The following GRSF1 variants were observed in gnomAD, a reference collection of about 807,000 sequenced individuals.
The protein encoded by GRSF1 is G-rich RNA sequence binding factor 1, also known as G-rich sequence factor 1.
Under a neutral mutation model 51.1 loss-of-function variants are expected in GRSF1, and 50 were observed. The observed-to-expected ratio is 0.98, with a 90% CI of 0.78 to 1.24. The LOEUF (loss-of-function observed/expected upper bound fraction) is 1.24. GRSF1 is among the 50% of genes most tolerant of loss of function. GRSF1 has a pLI of 0.00. For missense variants in GRSF1, 700 were observed against 639.7 expected (o/e 1.09, Z -1.02); for synonymous variants, 293 against 253.3 (o/e 1.16, Z -1.49).
In GRSF1 at chr4:70,835,160, C is replaced by T. The variant is rs533062702; in HGVS notation, c.514+998G>A. Among the ~76,000 whole-genome samples the T allele has an allele frequency of 2.0e-5, 3 of 151,742 alleles. No homozygotes were observed. The East Asian group carries it at 6.1e-4, about 31-fold the overall frequency. On this transcript the variant is annotated intron_variant, in intron 2 of 9. Coordinates refer to ENST00000254799, the MANE Select transcript of GRSF1 (RefSeq NM_002092.4). Reference sequence around the variant, plus strand: ...TATGGCTACGTAGTATTCCATCATACCAGCCGGGCACGGTGGCTCACGCCT... The same window carrying T: ...TATGGCTACGTAGTATTCCATCATATCAGCCGGGCACGGTGGCTCACGCCT...
At position 70,820,230 on chromosome 4, in the gene GRSF1, G is replaced by A. The variant is rs1206950033; in HGVS notation, c.*657C>T. 3 of 152,488 alleles carry A rather than the reference G, an allele frequency of 2.0e-5. No homozygotes were observed. Among genetic ancestry groups the A allele is most frequent in the East Asian group, 1.9e-4 (1 of 5,202 alleles). 9.4% of individuals were successfully genotyped at this position (152,488 alleles called of 1,614,324 possible). On this transcript the variant is annotated 3_prime_UTR_variant, in exon 10 of 10. Transcript: ENST00000254799. Reference sequence around the variant, plus strand: ...AAGTAGATAGGCACCACCGTTATACGCCTTTAGCACAAGGCTTAGAAAGGC... The same window carrying A: ...AAGTAGATAGGCACCACCGTTATACACCTTTAGCACAAGGCTTAGAAAGGC...
At chr4:70,825,528 T>G (rs1201105971) in intron 7 of GRSF1, 97 bp from the exon 8 acceptor site, 3 of 782,814 alleles carry the variant, frequency 3.8e-6, no homozygotes. Context: ...CTTTGATTCA[T>G]ACACTTGATA....
chr4:70,839,218 CCA>C, intron 1 of GRSF1: 3 of 1,440,434 alleles, frequency 2.1e-6, no homozygotes, highest in Non-Finnish European at 2.8e-6. Context: ...TTCACCCCAG[CCA>C]CACTTACACT....
intron 4 of GRSF1, 88 bp from the exon 5 acceptor site, chr4:70,831,762 T>C (rs1256245863): frequency 4.0e-6 from 5 of 1,251,550 alleles, no homozygotes; most frequent in South Asian, 1.5e-5. Context: ...AAAATTTTTA[T>C]TCTGTTTTGC....
chr4:70,838,932 G>A (rs1283034128), intron 1 of GRSF1: 1 of 343,080 alleles, frequency 2.9e-6, no homozygotes, highest in Non-Finnish European at 5.6e-6. Flanking sequence ...TCTTTCCCTG[G>A]GGACAGGAGA....
In GRSF1 at chr4:70,817,825, CTTTA is replaced by C. The variant is rs1192305459; in HGVS notation, c.*3058_*3061del. ...ACCTGCACATAAATGTTTATAGCAG[CTTTA>C]TTCCCTTCCTACAAACTTCAGATTC... On this transcript the variant is annotated 3_prime_UTR_variant, in exon 10 of 10. Coordinates refer to ENST00000254799, the MANE Select transcript of GRSF1 (RefSeq NM_002092.4). 6.6e-6 allele frequency: 1 copy of C among 152,186 alleles called. No individual in the cohort carries two copies. The highest frequency in any genetic ancestry group is 1.5e-5 in the Non-Finnish European group (1 of 68,028). The allele number at this position is 152,186 out of a possible 1,614,324, so 9.4% of individuals were successfully genotyped here.
rs921057115 is a variant in GRSF1 at position 70,819,800 on chromosome 4, C to T, written c.*1087G>A. 6.6e-6 allele frequency: 1 copy of T among 152,626 alleles called. No individual in the cohort carries two copies. The highest frequency in any genetic ancestry group is 1.5e-5 in the Non-Finnish European group (1 of 68,040). 9.5% of individuals were successfully genotyped at this position (152,626 alleles called of 1,614,324 possible). A position where few individuals can be genotyped will look rare whatever the true frequency, so the allele number is the denominator to read the frequency against. On this transcript the variant is annotated 3_prime_UTR_variant, in exon 10 of 10. Coordinates refer to ENST00000254799, the MANE Select transcript of GRSF1 (RefSeq NM_002092.4). Reference sequence around the variant, plus strand: ...GCACATAAAGTTAGTTTATTAATGACTATATTTTGAAGCCAGCCATTTTGT... The same window carrying T: ...GCACATAAAGTTAGTTTATTAATGATTATATTTTGAAGCCAGCCATTTTGT...
At chr4:70,830,036 A>G (rs899901513) in intron 5 of GRSF1, among the ~76,000 whole-genome samples, 6 of 152,254 alleles carry the variant, frequency 3.9e-5, no homozygotes, top group Admixed American at 1.3e-4. Flanking sequence ...GGTGATGTCA[A>G]CATGAGATAC....
Position 70,839,764 on chromosome 4 carries a change from A to G in GRSF1, c.64T>C (p.Cys22Arg). The change falls in exon 1 of 10, where the codon TGC (cysteine) becomes CGC (arginine). Residue 22 changes from cysteine (C) to arginine (R), a missense_variant. Transcript: ENST00000254799. ...AGGCAGGCGGCGCCGGTGCGCCGGC[A>G]GCTGCTGCAGTTACAGCCGCAGCCC... ...LRGCGCNCSS[C>R]RRTGAACLPF... 1 of 1,503,950 alleles carries G rather than the reference A, an allele frequency of 6.6e-7. No homozygotes were observed. The highest frequency in any genetic ancestry group is 8.8e-7 in the Non-Finnish European group (1 of 1,133,744). 93.2% of individuals were successfully genotyped at this position (1,503,950 alleles called of 1,614,324 possible). A position where few individuals can be genotyped will look rare whatever the true frequency, so the allele number is the denominator to read the frequency against.
intron 6 of GRSF1, among the ~76,000 whole-genome samples, chr4:70,826,628 C>T (rs1733748316): frequency 6.6e-6 from 1 of 151,786 alleles, no homozygotes; most frequent in African/African-American, 2.4e-5. Flanking sequence ...TCACTTGAGC[C>T]CAGGAGTTCG....
At chr4:70,820,983 T>C (rs980708728) in intron 9 of GRSF1, 122 bp from the exon 10 acceptor site, 1 of 152,290 alleles carries the variant, frequency 6.6e-6, no homozygotes, top group Non-Finnish European at 1.5e-5. Context: ...GCAAGCTATC[T>C]GATAAACCGA....
At position 70,839,732 on chromosome 4, in the gene GRSF1, G is replaced by C. The variant is rs2148849702; in HGVS notation, c.96C>G (p.Phe32Leu). ...CRRTGAACLP[F>L]YSAAGSIPSG... is the part of the protein sequence containing the mutation. ...ACGGGATAGAGCCAGCGGCGGAGTAGAAGGGCAGGCAGGCGGCGCCGGTGC... is the reference window on the plus strand; with the variant it reads ...ACGGGATAGAGCCAGCGGCGGAGTACAAGGGCAGGCAGGCGGCGCCGGTGC... Residue 32 changes from phenylalanine to leucine, a missense_variant, in exon 1 of 10, where the codon TTC becomes TTG. Phe to Leu is a conservative substitution (Grantham distance 22). Transcript: ENST00000254799. 6.7e-7 allele frequency: 1 copy of C among 1,501,750 alleles called. No homozygotes were observed. Among genetic ancestry groups the C allele is most frequent in the Non-Finnish European group, 8.8e-7 (1 of 1,133,038 alleles). The allele number at this position is 1,501,750 out of a possible 1,614,324, so 93.0% of individuals were successfully genotyped here.
intron 5 of GRSF1, among the ~76,000 whole-genome samples, chr4:70,830,335 G>GA (rs1733909072): frequency 6.6e-6 from 1 of 151,744 alleles, no homozygotes; most frequent in East Asian, 1.9e-4. Context: ...GTTCTAGCTA[G>GA]TTGGGAGGAT....
chr4:70,832,175 T>A (rs1734004171), intron 4 of GRSF1, 132 bp downstream of exon 4: 1 of 531,172 alleles, frequency 1.9e-6, no homozygotes, highest in Non-Finnish European at 3.1e-6. Flanking sequence ...GAAATTTAAG[T>A]GAAGAGCTCT....
intron 2 of GRSF1, among the ~76,000 whole-genome samples, 198 bp from the exon 3 acceptor site, chr4:70,833,471 A>C (rs1734067258): frequency 6.6e-6 from 1 of 152,180 alleles, no homozygotes; most frequent in African/African-American, 2.4e-5. Flanking sequence ...AAAGATAAGC[A>C]AACCTTAGCA....
In GRSF1 at chr4:70,826,079, C is replaced by T. The variant is rs528150360; in HGVS notation, c.1257+45G>A. On this transcript the variant is annotated intron_variant, in intron 7 of 9. Coordinates refer to ENST00000254799, the MANE Select transcript of GRSF1 (RefSeq NM_002092.4). ...AATTAATACAAGTTCAATTTTAGAACTTTTGTTCAAATCTATTGAGATTGG... is the reference window on the plus strand; with the variant it reads ...AATTAATACAAGTTCAATTTTAGAATTTTTGTTCAAATCTATTGAGATTGG... 1.3e-4 allele frequency: 204 copies of T among 1,544,602 alleles called. 4 individuals carry two copies. The South Asian group carries it at 2.4e-3, about 18-fold the overall frequency.
chr4:70,833,581 A>C (rs1038233324), intron 2 of GRSF1, among the ~76,000 whole-genome samples: 9 of 152,226 alleles, frequency 5.9e-5, no homozygotes, highest in Non-Finnish European at 1.2e-4. Context: ...CAATCACTTA[A>C]GGAAATACAA....
chr4:70,839,392 G>T, intron 1 of GRSF1, 79 bp downstream of exon 1: 1 of 1,508,030 alleles, frequency 6.6e-7, no homozygotes, highest in Non-Finnish European at 8.9e-7. Context: ...GGCGCACACG[G>T]AGGGACGGAG....
At chr4:70,842,478 C>T (rs548574767), upstream of GRSF1, among the ~76,000 whole-genome samples, 1 of 152,192 alleles carries the variant, frequency 6.6e-6, no homozygotes, top group South Asian at 2.1e-4. Context: ...CTCTTTTGCC[C>T]GAGCTGGGGT....
Sources: gnomAD v4.1 joint callset for allele counts (sites outside exome capture counted in the v4.1 genomes callset) on GRCh38, gnomAD v4.1.1 for gene constraint, MANE v1.5 for transcripts, NCBI Gene and HGNC (gene_info 2026-07-23, HGNC 2026-07-21) for gene names.